The following MYRFL variants were observed in gnomAD, a reference collection of about 807,000 sequenced individuals.
MYRFL encodes myelin regulatory factor like.
In MYRFL, 88 loss-of-function variants were observed where a neutral mutation model predicts 109.4. The ratio of observed to expected loss-of-function variants is 0.80; its 90% CI spans 0.68 to 0.96. The LOEUF (loss-of-function observed/expected upper bound fraction) is 0.96, where lower values mean the gene tolerates loss of function less well. Among genes scored for constraint, MYRFL ranks in the 40% least tolerant of loss-of-function variants. The probability of loss-of-function intolerance (pLI) is 0.00; values close to 1 mark genes in which losing one functional copy is unlikely to be tolerated. For missense variants in MYRFL, 957 were observed against 954.9 expected (o/e 1.00, Z -0.03); for synonymous variants, 324 against 320.9 (o/e 1.01, Z -0.10).
chr12:69,886,736 C>T lies in MYRFL; in HGVS notation c.557-84C>T, dbSNP rs2136335995. On this transcript the variant is annotated intron_variant, in intron 5 of 24. Transcript: ENST00000552032. ...CTAGTCACTCTGCCTTACACATGGC[C>T]CACTCATCAGCTTCATGCTGCTAGC... is the stretch of plus-strand genomic sequence containing the variant. The T allele has an allele frequency of 2.7e-6, 4 of 1,464,030 alleles. No homozygotes were observed. The East Asian group carries it at 7.4e-5, about 27-fold the overall frequency. The allele number at this position is 1,464,030 out of a possible 1,614,324, so 90.7% of individuals were successfully genotyped here.
intron 13 of MYRFL, among the ~76,000 whole-genome samples, chr12:69,912,049 G>T (rs1954588285): frequency 6.6e-6 from 1 of 152,108 alleles, no homozygotes; most frequent in African/African-American, 2.4e-5. Flanking sequence ...TTCATGTTAG[G>T]CACCACCACC....
chr12:69,885,952 G>A (rs1886420592), intron 5 of MYRFL, among the ~76,000 whole-genome samples: 1 of 151,998 alleles, frequency 6.6e-6, no homozygotes, highest in Non-Finnish European at 1.5e-5. Context: ...GTTGAGGGAA[G>A]TAAGACTCCA....
At chr12:69,956,680 CTTA>C (rs1195477400) in intron 22 of MYRFL, among the ~76,000 whole-genome samples, 1 of 151,982 alleles carries the variant, frequency 6.6e-6, no homozygotes, top group African/African-American at 2.4e-5. Context: ...CTTCCTCCGT[CTTA>C]TTCAGTCTTC....
Position 69,893,777 on chromosome 12 carries a change from A to G in MYRFL, c.917A>G (p.Asn306Ser). ...KVFGTKVEAT[N>S]QIIAIEQSQA... is the part of the protein sequence containing the mutation. Reference sequence around the variant, plus strand: ...TGTTTCATACAGGTGGAAGCTACCAATCAAATAATTGCTATTGAACAGTCC... The same window carrying G: ...TGTTTCATACAGGTGGAAGCTACCAGTCAAATAATTGCTATTGAACAGTCC... Residue 306 changes from asparagine to serine, a missense_variant, in exon 8 of 25, where the codon AAT (asparagine) becomes AGT (serine). By Grantham distance (46) the Asn-to-Ser change is conservative. Transcript: ENST00000552032. 1.4e-6 allele frequency: 2 copies of G among 1,435,050 alleles called. No individual in the cohort carries two copies. The highest frequency in any genetic ancestry group is 2.5e-5 in the Admixed American group (1 of 40,682). 88.9% of individuals were successfully genotyped at this position (1,435,050 alleles called of 1,614,324 possible). A position where few individuals can be genotyped will look rare whatever the true frequency, so the allele number is the denominator to read the frequency against.
Position 69,846,106 on chromosome 12 carries a change from C to CTTTTTTT in MYRFL, c.47-9153_47-9147dup, listed in dbSNP as rs60251292. Reference sequence around the variant, plus strand: ...CTTTTAGATATTGGCTATTGACTATCTTTTTTTTTTTTTTTTTTTTTTTTT... The same window carrying CTTTTTTT: ...CTTTTAGATATTGGCTATTGACTATCTTTTTTTTTTTTTTTTTTTTTTTTTTTTTTTT... On this transcript the variant is annotated intron_variant, in intron 1 of 24. Transcript: ENST00000552032. Among the ~76,000 whole-genome samples the CTTTTTTT allele has an allele frequency of 1.8e-3, 112 of 61,712 alleles. 7 individuals carry two copies. The highest frequency in any genetic ancestry group is 5.7e-3 in the East Asian group (8 of 1,396). 40.5% of individuals were successfully genotyped at this position (61,712 alleles called of 152,430 possible). A position where few individuals can be genotyped will look rare whatever the true frequency, so the allele number is the denominator to read the frequency against.
At chr12:69,870,107 T>A (rs1444127249) in intron 2 of MYRFL, among the ~76,000 whole-genome samples, 215 of 138,382 alleles carry the variant, frequency 1.6e-3, no homozygotes, top group Non-Finnish European at 2.8e-3. Context: ...TCCTTTTTTT[T>A]TTTTTTTTTT....
At chr12:69,933,018 G>A (rs1309213865) in intron 16 of MYRFL, among the ~76,000 whole-genome samples, 1 of 152,036 alleles carries the variant, frequency 6.6e-6, no homozygotes, top group Non-Finnish European at 1.5e-5. Flanking sequence ...ACTCTCCCCT[G>A]GTCACTCATA....
chr12:69,954,369 A>G (rs1036908296), intron 21 of MYRFL, among the ~76,000 whole-genome samples: 7 of 152,206 alleles, frequency 4.6e-5, no homozygotes, highest in Non-Finnish European at 1.0e-4. Flanking sequence ...ACTGCTCCTG[A>G]TCCCAATGCA....
chr12:69,902,525 G>A (rs1345472910), intron 10 of MYRFL, among the ~76,000 whole-genome samples: 2 of 152,038 alleles, frequency 1.3e-5, no homozygotes, highest in Non-Finnish European at 2.9e-5. Context: ...GCATATTCAG[G>A]TGCTGAGCCT....
intron 19 of MYRFL, among the ~76,000 whole-genome samples, chr12:69,944,134 C>T (rs891532182): frequency 2.0e-5 from 3 of 150,010 alleles, no homozygotes; most frequent in African/African-American, 7.6e-5. Context: ...GGCGATTCCT[C>T]AGGGATCTAG....
At position 69,915,714 on chromosome 12, in the gene MYRFL, G is replaced by T. The variant is rs1044026604; in HGVS notation, c.1602+4784G>T. ...CAGTGGCAGGAGGTGGAGTGAGAGGGATTGGGAGTGACACTGAAAGCAAGG... is the reference window on the plus strand; with the variant it reads ...CAGTGGCAGGAGGTGGAGTGAGAGGTATTGGGAGTGACACTGAAAGCAAGG... On this transcript the variant is annotated intron_variant, in intron 13 of 24. Coordinates refer to ENST00000552032, the MANE Select transcript of MYRFL (RefSeq NM_182530.3). Among the ~76,000 whole-genome samples the T allele has an allele frequency of 2.0e-5, 3 of 152,112 alleles. No individual in the cohort carries two copies. The East Asian group carries it at 5.8e-4, about 29-fold the overall frequency.
Position 69,952,853 on chromosome 12 carries a change from A to G in MYRFL, c.2342A>G (p.Asp781Gly). 3 of 1,535,760 alleles carry G rather than the reference A, an allele frequency of 2.0e-6. No homozygotes were observed. Among genetic ancestry groups the G allele is most frequent in the Non-Finnish European group, 2.6e-6 (3 of 1,146,644 alleles). Residue 781 changes from aspartate to glycine, a missense_variant, in exon 21 of 25, where the codon GAT becomes GGT. By Grantham distance (94) the Asp-to-Gly change is moderately conservative. Coordinates refer to ENST00000552032, the MANE Select transcript of MYRFL (RefSeq NM_182530.3). ...ATTATGGAAATCCAGCAAATAATAG[A>G]TCATCAGTATTGCATTCAAAGCCTC... ...IQIMEIQQIIDHQYCIQSLQC... is the reference protein window; with the variant it reads ...IQIMEIQQIIGHQYCIQSLQC...
At chr12:69,933,989 C>A (rs1329277667) in intron 16 of MYRFL, among the ~76,000 whole-genome samples, 1 of 152,128 alleles carries the variant, frequency 6.6e-6, no homozygotes, top group Non-Finnish European at 1.5e-5. Context: ...CCAGGGTTTG[C>A]CCCCGAAGAA....
intron 11 of MYRFL, among the ~76,000 whole-genome samples, chr12:69,906,005 G>T (rs1954346401): frequency 6.6e-6 from 1 of 152,192 alleles, no homozygotes; most frequent in Non-Finnish European, 1.5e-5. Context: ...GCATAGGACT[G>T]GAAGCAATTT....
intron 19 of MYRFL, among the ~76,000 whole-genome samples, chr12:69,936,985 G>GC (rs2120487467): frequency 6.6e-6 from 1 of 152,280 alleles, no homozygotes; most frequent in Non-Finnish European, 1.5e-5. Flanking sequence ...TGGTATCTGG[G>GC]CTCTCTGCCT....
At chr12:69,848,560 A>G (rs1883692662) in intron 1 of MYRFL, among the ~76,000 whole-genome samples, 1 of 152,156 alleles carries the variant, frequency 6.6e-6, no homozygotes. Flanking sequence ...GTTTGAATAT[A>G]GAAATCTATT....
intron 1 of MYRFL, among the ~76,000 whole-genome samples, chr12:69,843,715 G>A (rs1015115963): frequency 6.6e-6 from 1 of 152,144 alleles, no homozygotes; most frequent in African/African-American, 2.4e-5. Context: ...TCTTCCTACG[G>A]CCAAGAGCAG....
chr12:69,913,805 T>A (rs11177964), intron 13 of MYRFL, among the ~76,000 whole-genome samples: 28,024 of 152,150 alleles, frequency 0.18, 3,723 homozygotes, highest in African/African-American at 0.37. Flanking sequence ...CCACGTGAAT[T>A]TTAGAATAGA....
intron 2 of MYRFL, among the ~76,000 whole-genome samples, chr12:69,865,435 GGA>G: frequency 6.6e-6 from 1 of 152,278 alleles, no homozygotes; most frequent in South Asian, 2.1e-4. Context: ...GAGACAGAAG[GGA>G]GAGAGTGACT....
Sources: allele counts gnomAD v4.1 joint callset (sites outside exome capture counted in the v4.1 genomes callset), GRCh38; gene constraint gnomAD v4.1.1; transcripts MANE v1.5; gene names NCBI Gene and HGNC (gene_info 2026-07-23, HGNC 2026-07-21).